NLRP13: variants seen among roughly 807,000 people sequenced by gnomAD.
The protein encoded by NLRP13 is NACHT, LRR and PYD domains-containing protein 13.
In NLRP13, 82 loss-of-function variants were observed where a neutral mutation model predicts 94.4. The ratio of observed to expected loss-of-function variants is 0.87; its 90% CI spans 0.73 to 1.04. The LOEUF (loss-of-function observed/expected upper bound fraction) is 1.04. Ranked by LOEUF, NLRP13 falls within the 50% of genes least tolerant of loss-of-function variation. NLRP13 has a pLI of 0.00. For synonymous variants in NLRP13, 553 were observed against 464.7 expected (o/e 1.19, Z -2.45); for missense variants, 1,426 against 1,230.8 (o/e 1.16, Z -2.37).
intron 9 of NLRP13, among the ~76,000 whole-genome samples, chr19:55,901,631 G>A (rs929313121): frequency 6.6e-6 from 1 of 152,184 alleles, no homozygotes; most frequent in Non-Finnish European, 1.5e-5. Flanking sequence ...GCTATTTGAA[G>A]AGAAACCTTG....
At chr19:55,927,233 G>T (rs1986986291) in intron 1 of NLRP13, among the ~76,000 whole-genome samples, 2 of 151,882 alleles carry the variant, frequency 1.3e-5, no homozygotes, top group African/African-American at 4.8e-5. Context: ...GCTGGGTGTG[G>T]TGGTGGGCGC....
intron 1 of NLRP13, among the ~76,000 whole-genome samples, chr19:55,927,952 A>C (rs1600280387): frequency 6.6e-6 from 1 of 152,190 alleles, no homozygotes; most frequent in East Asian, 1.9e-4. Flanking sequence ...CCGCAAACTC[A>C]CTCTCAGATG....
chr19:55,918,930 T>C (rs1177634582), intron 4 of NLRP13, among the ~76,000 whole-genome samples: 1 of 151,848 alleles, frequency 6.6e-6, no homozygotes, highest in South Asian at 2.1e-4. Flanking sequence ...AAAAGACAAC[T>C]GCAGACCACT....
At chr19:55,909,509 A>G (rs150300220) in intron 6 of NLRP13, among the ~76,000 whole-genome samples, 415 of 151,434 alleles carry the variant, frequency 2.7e-3, no homozygotes, top group African/African-American at 9.3e-3. Flanking sequence ...ATGCAGCAGT[A>G]TGCTGATAAA....
intron 1 of NLRP13, among the ~76,000 whole-genome samples, chr19:55,926,074 T>C (rs1204266123): frequency 6.6e-6 from 1 of 152,122 alleles, no homozygotes; most frequent in Non-Finnish European, 1.5e-5. Context: ...AGAGGAAAAG[T>C]AGACGATTTT....
At chr19:55,897,910 C>G (rs1162151490) in intron 10 of NLRP13, among the ~76,000 whole-genome samples, 1 of 152,158 alleles carries the variant, frequency 6.6e-6, no homozygotes, top group Non-Finnish European at 1.5e-5. Flanking sequence ...GAACCATTCC[C>G]TACATGAGAA....
intron 8 of NLRP13, among the ~76,000 whole-genome samples, chr19:55,903,356 C>T (rs1986243580): frequency 6.6e-6 from 1 of 152,090 alleles, no homozygotes; most frequent in African/African-American, 2.4e-5. Flanking sequence ...CCTAAAGGTC[C>T]TTGGCCTTTT....
Position 55,924,962 on chromosome 19 carries a change from C to T in NLRP13, c.388+5G>A, listed in dbSNP as rs1986932562. 4.3e-6 allele frequency: 7 copies of T among 1,613,332 alleles called. No individual in the cohort carries two copies. Among genetic ancestry groups the T allele is most frequent in the Non-Finnish European group, 5.9e-6 (7 of 1,179,362 alleles). On this transcript the variant is annotated splice_donor_5th_base_variant and intron_variant, in intron 2 of 10. Transcript: ENST00000342929. Reference sequence around the variant, plus strand: ...TCCATTATCAACTTAAAGTAGTGTACACACCTGCTGCTGCTTCTAGCATCT... The same window carrying T: ...TCCATTATCAACTTAAAGTAGTGTATACACCTGCTGCTGCTTCTAGCATCT...
rs375459396 is a variant in NLRP13 at position 55,932,321 on chromosome 19, C to T, written c.-10G>A. ...TTACAGAAAAGTTCATCTTGCCCAA[C>T]ACATGCAGTTTCTCACTTCAGCAAA... is the stretch of plus-strand genomic sequence containing the variant. On this transcript the variant is annotated 5_prime_UTR_variant, in exon 1 of 11. Transcript: ENST00000342929. The T allele has an allele frequency of 2.3e-5, 37 of 1,596,464 alleles. No homozygotes were observed. The East Asian group carries it at 2.5e-4, about 11-fold the overall frequency.
intron 4 of NLRP13, 81 bp from the exon 5 acceptor site, chr19:55,913,374 C>A (rs1227686812): frequency 3.5e-6 from 5 of 1,431,648 alleles, no homozygotes; most frequent in Non-Finnish European, 4.7e-6. Context: ...GTTCCTACCC[C>A]AAAGACTTGA....
chr19:55,911,772 T>C lies in NLRP13; in HGVS notation c.2045A>G (p.Lys682Arg), dbSNP rs1244543363. The C allele has an allele frequency of 6.2e-7, 1 of 1,614,024 alleles. No homozygotes were observed. The highest frequency in any genetic ancestry group is 8.5e-7 in the Non-Finnish European group (1 of 1,179,936). ...QASSFCLKHC[K>R]RLNKLRLSVS... is the part of the protein sequence containing the mutation. ...AGAAAGCCTTAGCTTATTTAACCTT[T>C]TACAGTGCTTTAGGCAAAATGAAGA... Residue 682 changes from lysine (K) to arginine (R), a missense_variant, in exon 5 of 11, where the codon AAA becomes AGA. Lys to Arg is a conservative substitution (Grantham distance 26). Transcript: ENST00000342929.
Position 55,912,129 on chromosome 19 carries a change from G to C in NLRP13, c.1688C>G (p.Pro563Arg). The change falls in exon 5 of 11, where the codon CCA becomes CGA. Residue 563 changes from proline (P) to arginine (R), a missense_variant. Transcript: ENST00000342929. Reference sequence around the variant, plus strand: ...TTGCAGTAACATCTTCATCTCTTGTGGCTTTGTGGAATGGGGAGGGAATTC... The same window carrying C: ...TTGCAGTAACATCTTCATCTCTTGTCGCTTTGTGGAATGGGGAGGGAATTC... ...PREFPPHSTK[P>R]QEMKMLLQHV... 6.2e-7 allele frequency: 1 copy of C among 1,614,176 alleles called. No individual in the cohort carries two copies.
At chr19:55,928,248 C>T (rs1424180141) in intron 1 of NLRP13, among the ~76,000 whole-genome samples, 2 of 152,168 alleles carry the variant, frequency 1.3e-5, no homozygotes, top group Non-Finnish European at 2.9e-5. Context: ...GAAGTTTATG[C>T]CGCCATTCGA....
At chr19:55,904,825 A>G in intron 8 of NLRP13, 117 bp downstream of exon 8, 1 of 835,346 alleles carries the variant, frequency 1.2e-6, no homozygotes, top group South Asian at 2.6e-5. Context: ...GCACATAGTA[A>G]TTACTCAATG....
At position 55,924,524 on chromosome 19, in the gene NLRP13, T is replaced by C. The variant is rs954811914; in HGVS notation, c.457+66A>G. On this transcript the variant is annotated intron_variant, in intron 3 of 10. Coordinates refer to ENST00000342929, the MANE Select transcript of NLRP13 (RefSeq NM_176810.2). ...AAGAAATTTCAGCATAGGCAGCAAA[T>C]GTGGACCAATGAAACGAGTGTTCCA... 4.3e-6 allele frequency: 5 copies of C among 1,150,278 alleles called. No homozygotes were observed. In the African/African-American group the frequency reaches 6.1e-5, roughly 14 times the overall value. 71.3% of individuals were successfully genotyped at this position (1,150,278 alleles called of 1,614,324 possible). A position where few individuals can be genotyped will look rare whatever the true frequency, so the allele number is the denominator to read the frequency against.
At chr19:55,905,585 A>G (rs1986322421) in intron 7 of NLRP13, among the ~76,000 whole-genome samples, 1 of 151,756 alleles carries the variant, frequency 6.6e-6, no homozygotes, top group African/African-American at 2.4e-5. Flanking sequence ...CCCAAGAGGC[A>G]GAGGTTGTGG....
intron 1 of NLRP13, among the ~76,000 whole-genome samples, chr19:55,928,697 A>G (rs1249613629): frequency 1.3e-5 from 2 of 152,238 alleles, no homozygotes; most frequent in Non-Finnish European, 2.9e-5. Flanking sequence ...ACAGAATTTA[A>G]GAGTTCTAAA....
At chr19:55,904,640 A>G (rs1986284423) in intron 8 of NLRP13, among the ~76,000 whole-genome samples, 2 of 152,058 alleles carry the variant, frequency 1.3e-5, no homozygotes, top group Admixed American at 6.6e-5. Context: ...TGTCATATCT[A>G]CCACCCCAGC....
chr19:55,913,299 G>C lies in NLRP13; in HGVS notation c.524-6C>G, dbSNP rs369989898. On this transcript the variant is annotated splice_region_variant and splice_polypyrimidine_tract_variant and intron_variant, in intron 4 of 10. Coordinates refer to ENST00000342929, the MANE Select transcript of NLRP13 (RefSeq NM_176810.2). The stretch of plus-strand genomic sequence containing the variant: ...TCTGTATTTTCTTCTGTGGTCTAGA[G>C]AGGGCGGAGTGGGGAGAAGAATGGT... The C allele has an allele frequency of 1.1e-4, 175 of 1,611,652 alleles. No individual in the cohort carries two copies. Among genetic ancestry groups the C allele is most frequent in the Non-Finnish European group, 1.4e-4 (163 of 1,178,624 alleles).
Sources: gnomAD v4.1 joint callset for allele counts (sites outside exome capture counted in the v4.1 genomes callset) on GRCh38, gnomAD v4.1.1 for gene constraint, MANE v1.5 for transcripts, NCBI Gene and HGNC (gene_info 2026-07-23, HGNC 2026-07-21) for gene names.